MEGF11: variants seen among roughly 807,000 people sequenced by gnomAD.
MEGF11 encodes the protein multiple epidermal growth factor-like domains protein 11.
Under a neutral mutation model 146.6 loss-of-function variants are expected in MEGF11, and 126 were observed. The ratio of observed to expected loss-of-function variants is 0.86; its 90% CI spans 0.74 to 1.00. The LOEUF is 1.00. Among genes scored for constraint, MEGF11 ranks in the 50% least tolerant of loss-of-function variants. MEGF11 has a pLI of 0.00. For synonymous variants in MEGF11, 532 were observed against 583.4 expected, an observed-to-expected ratio of 0.91 and a Z score of 1.27; for missense variants, 1,509 against 1,521.2, an observed-to-expected ratio of 0.99 and a Z score of 0.13.
chr15:66,123,350 T>C (rs183799747), intron 3 of MEGF11, among the ~76,000 whole-genome samples: 41 of 152,304 alleles, frequency 2.7e-4, no homozygotes, highest in African/African-American at 8.9e-4. Flanking sequence ...GATGCCCTGA[T>C]ATGGGGCTAC....
At chr15:65,922,308 C>A in intron 15 of MEGF11, 30 bp downstream of exon 15, 3 of 1,601,530 alleles carry the variant, frequency 1.9e-6, no homozygotes, top group Non-Finnish European at 2.6e-6. Flanking sequence ...CTCACCTCCC[C>A]ACCCAGTACC....
intron 1 of MEGF11, among the ~76,000 whole-genome samples, chr15:66,155,035 T>A (rs1332833805): frequency 1.3e-5 from 2 of 152,218 alleles, no homozygotes; most frequent in African/African-American, 4.8e-5. Flanking sequence ...ATGTCAGAGT[T>A]GGAAGGGATC....
Position 65,895,502 on chromosome 15 carries a change from G to C in MEGF11, c.*2432C>G, listed in dbSNP as rs1353255724. The C allele has an allele frequency of 1.3e-5, 2 of 152,580 alleles. No homozygotes were observed. Among genetic ancestry groups the C allele is most frequent in the African/African-American group, 4.8e-5 (2 of 41,436 alleles). The allele number at this position is 152,580 out of a possible 1,614,324, so 9.5% of individuals were successfully genotyped here. On this transcript the variant is annotated 3_prime_UTR_variant, in exon 26 of 26. Coordinates refer to ENST00000395614, the MANE Select transcript of MEGF11 (RefSeq NM_001385028.1). ...TTAGTTTCTGAAAAATAATTGAACA[G>C]ATCTTTCAAAGTCACCCATAAAATG...
chr15:66,162,573 A>G (rs2089981746), intron 1 of MEGF11, among the ~76,000 whole-genome samples: 1 of 152,222 alleles, frequency 6.6e-6, no homozygotes, highest in Non-Finnish European at 1.5e-5. Context: ...AGAACAGGCA[A>G]AAGTAATCTG....
chr15:66,030,249 A>G (rs1455577755), intron 5 of MEGF11, among the ~76,000 whole-genome samples: 1 of 152,124 alleles, frequency 6.6e-6, no homozygotes, highest in Non-Finnish European at 1.5e-5. Context: ...AGCCCATACC[A>G]CATTTCCACA....
At chr15:66,008,409 G>A (rs12906906) in intron 5 of MEGF11, among the ~76,000 whole-genome samples, 4,173 of 46,534 alleles carry the variant, frequency 0.09, 224 homozygotes, top group African/African-American at 0.24. Context: ...ACACGCGCGC[G>A]CGCACACACA....
intron 13 of MEGF11, 66 bp downstream of exon 13, chr15:65,928,359 G>A: frequency 9.2e-7 from 1 of 1,081,360 alleles, no homozygotes; most frequent in Non-Finnish European, 1.3e-6. Context: ...AAACGGTCAA[G>A]AGAAGTAGGA....
intron 4 of MEGF11, among the ~76,000 whole-genome samples, chr15:66,115,445 C>T (rs2087677035): frequency 6.6e-6 from 1 of 152,216 alleles, no homozygotes. Flanking sequence ...CATGTGGGGC[C>T]AGTTGGTGCC....
Position 65,906,147 on chromosome 15 carries a change from T to TA in MEGF11, c.2999-7dup, listed in dbSNP as rs2141158950. 9 of 1,606,050 alleles carry TA rather than the reference T, an allele frequency of 5.6e-6. No individual in the cohort carries two copies. The highest frequency in any genetic ancestry group is 7.7e-6 in the Non-Finnish European group (9 of 1,175,566). ...TCTATCCATTCCACAAGCACCTGTG[T>TA]AAAAATAACATGTAAGGAAAGAAAA... On this transcript the variant is annotated splice_region_variant and splice_polypyrimidine_tract_variant and intron_variant, in intron 23 of 25. Transcript: ENST00000395614.
At chr15:66,116,488 CA>C (rs1015611830) in intron 4 of MEGF11, among the ~76,000 whole-genome samples, 28 of 152,308 alleles carry the variant, frequency 1.8e-4, no homozygotes, top group African/African-American at 6.7e-4. Flanking sequence ...TCCTTGAAGG[CA>C]GCAACTATCC....
chr15:65,966,078 C>A (rs333553), intron 8 of MEGF11, among the ~76,000 whole-genome samples: 7 of 151,904 alleles, frequency 4.6e-5, no homozygotes, highest in Non-Finnish European at 1.0e-4. Context: ...TTGCTGCAAC[C>A]TCCGCCTCCC....
At position 65,915,487 on chromosome 15, in the gene MEGF11, C is replaced by G. The variant is rs1304362204; in HGVS notation, c.2456G>C (p.Gly819Ala). 1.1e-5 allele frequency: 17 copies of G among 1,613,840 alleles called. No individual in the cohort carries two copies. The highest frequency in any genetic ancestry group is 1.4e-5 in the Non-Finnish European group (16 of 1,179,890). The part of the protein sequence containing the change: ...GTCYCSPGFK[G>A]IRCDQAALMM... ...TGTATTACCTTGGTCACACCTGATT[C>G]CTTTGAAGCCAGGGCTGCAGTAACA... Residue 819 changes from glycine to alanine, a missense_variant, in exon 19 of 26, where the codon GGA becomes GCA. Coordinates refer to ENST00000395614, the MANE Select transcript of MEGF11 (RefSeq NM_001385028.1).
At chr15:66,102,798 C>T (rs1341923771) in intron 4 of MEGF11, among the ~76,000 whole-genome samples, 1 of 152,216 alleles carries the variant, frequency 6.6e-6, no homozygotes, top group East Asian at 1.9e-4. Context: ...CAACTCTATG[C>T]TTATACACCC....
At chr15:66,189,034 A>G (rs973954469) in intron 1 of MEGF11, among the ~76,000 whole-genome samples, 3 of 152,222 alleles carry the variant, frequency 2.0e-5, no homozygotes, top group Non-Finnish European at 4.4e-5. Context: ...AAAAGAAAAA[A>G]CTTTAAACAA....
chr15:66,101,072 C>T (rs572560543), intron 4 of MEGF11, among the ~76,000 whole-genome samples: 31 of 152,168 alleles, frequency 2.0e-4, no homozygotes, highest in African/African-American at 6.5e-4. Flanking sequence ...GGTGATCCAG[C>T]GAGCAAGGGC....
intron 5 of MEGF11, among the ~76,000 whole-genome samples, chr15:66,050,753 T>G (rs1381154295): frequency 6.6e-6 from 1 of 152,170 alleles, no homozygotes; most frequent in Admixed American, 6.5e-5. Context: ...TCATTGCAGC[T>G]CCAGGGGAGT....
At chr15:66,237,755 C>A (rs1234107939) in intron 1 of MEGF11, among the ~76,000 whole-genome samples, 1 of 152,196 alleles carries the variant, frequency 6.6e-6, no homozygotes, top group Non-Finnish European at 1.5e-5. Context: ...TTCCTGCCTC[C>A]ACCGCCCCTT....
intron 19 of MEGF11, 46 bp downstream of exon 19, chr15:65,915,424 T>TGGCATACGCGCCCACAGTCCTTCC: frequency 2.5e-6 from 4 of 1,603,726 alleles, no homozygotes; most frequent in Middle Eastern, 2.0e-4. Context: ...AGAGCTGCCA[T>TGGCATACGCGCCCACAGTCCTTCC]GGGGCCCTTT....
chr15:65,960,741 A>G (rs2080828940), intron 9 of MEGF11, among the ~76,000 whole-genome samples: 1 of 152,240 alleles, frequency 6.6e-6, no homozygotes, highest in Non-Finnish European at 1.5e-5. Flanking sequence ...GCTGGAGCTC[A>G]TCCATTACAC....
Sources: gnomAD v4.1 joint callset for allele counts (sites outside exome capture counted in the v4.1 genomes callset) on GRCh38, gnomAD v4.1.1 for gene constraint, MANE v1.5 for transcripts, NCBI Gene and HGNC (gene_info 2026-07-23, HGNC 2026-07-21) for gene names.